The following MAD2L1 variants were observed in gnomAD, a reference collection of about 807,000 sequenced individuals.
The protein encoded by MAD2L1 is mitotic arrest deficient 2 like 1.
A neutral mutation model predicts 25.9 loss-of-function variants in MAD2L1; 10 were observed. The observed-to-expected ratio is 0.39, with a 90% CI of 0.24 to 0.66. The LOEUF (loss-of-function observed/expected upper bound fraction) is 0.66. Ranked by LOEUF, MAD2L1 falls within the 30% of genes least tolerant of loss-of-function variation. MAD2L1 has a pLI of 0.49. For missense variants in MAD2L1, 180 were observed against 246.4 expected (o/e 0.73, Z 1.80); for synonymous variants, 81 against 91.8 (o/e 0.88, Z 0.67).
rs761511460 is a variant in MAD2L1 at position 120,062,033 on chromosome 4, C to T, written c.283G>A (p.Glu95Lys). The T allele has an allele frequency of 1.3e-5, 21 of 1,613,082 alleles. No individual in the cohort carries two copies. The Middle Eastern group carries it at 8.3e-4, about 63-fold the overall frequency. The change falls in exon 3 of 5, where the codon GAG (glutamate) becomes AAG (lysine). Residue 95 changes from glutamate (E) to lysine (K), a missense_variant. Transcript: ENST00000296509. ...VVVISNIESGEVLERWQFDIE... is the reference protein window; with the variant it reads ...VVVISNIESGKVLERWQFDIE... The stretch of plus-strand genomic sequence containing the variant: ...TCAAACTGCCATCTTTCCAGGACCT[C>T]ACCACTTTCAATATTTGAGATAACT...
intron 1 of MAD2L1, 129 bp from the exon 2 acceptor site, chr4:120,065,947 T>C (rs2110509806): frequency 2.4e-6 from 2 of 847,882 alleles, no homozygotes; most frequent in South Asian, 4.4e-5. Context: ...ACGTGTATCT[T>C]GCTGAAAGCA....
chr4:120,063,657 G>A (rs1726262201), intron 2 of MAD2L1, among the ~76,000 whole-genome samples: 1 of 152,154 alleles, frequency 6.6e-6, no homozygotes, highest in Non-Finnish European at 1.5e-5. Context: ...AAATATAAGA[G>A]AGAACAGGAT....
At position 120,063,369 on chromosome 4, in the gene MAD2L1, CAG is replaced by C. The variant is rs145718938; in HGVS notation, c.221-1276_221-1275del. On this transcript the variant is annotated intron_variant, in intron 2 of 4. Coordinates refer to ENST00000296509, the MANE Select transcript of MAD2L1 (RefSeq NM_002358.4). ...AGTCAGCGAAGTTTTTGTAAAGAAA[CAG>C]AGTAATTACTAAATATTTTAGGCTT... Among the ~76,000 whole-genome samples the C allele has an allele frequency of 3.1e-3, 475 of 152,272 alleles. 2 individuals carry two copies. Among genetic ancestry groups the C allele is most frequent in the African/African-American group, 0.011 (445 of 41,564 alleles).
At chr4:120,066,085 T>C (rs1237570738) in intron 1 of MAD2L1, among the ~76,000 whole-genome samples, 3 of 151,706 alleles carry the variant, frequency 2.0e-5, no homozygotes, top group Non-Finnish European at 4.4e-5. Context: ...TTTCACCTCA[T>C]TGTAATCCAA....
chr4:120,062,361 T>A (rs1726235850), intron 2 of MAD2L1, among the ~76,000 whole-genome samples: 1 of 152,194 alleles, frequency 6.6e-6, no homozygotes, highest in African/African-American at 2.4e-5. Context: ...GCATAGGAGA[T>A]GGGCATTAAT....
In MAD2L1 at chr4:120,066,686, C is replaced by T; in HGVS notation, c.49G>A (p.Ala17Thr). The change falls in exon 1 of 5, where the codon GCC (alanine) becomes ACC (threonine). Residue 17 changes from alanine to threonine, a missense_variant. Ala to Thr is a moderately conservative substitution (Grantham distance 58). Coordinates refer to ENST00000296509, the MANE Select transcript of MAD2L1 (RefSeq NM_002358.4). ...REQGITLRGS[A>T]EIVAEFFSFG... ...CAGAAGAACTCGGCCACGATTTCGG[C>T]GCTCCCGCGCAGGGTGATTCCCTGC... 6.2e-7 allele frequency: 1 copy of T among 1,603,678 alleles called. No individual in the cohort carries two copies. Among genetic ancestry groups the T allele is most frequent in the Non-Finnish European group, 8.5e-7 (1 of 1,173,028 alleles).
intron 2 of MAD2L1, 101 bp from the exon 3 acceptor site, chr4:120,062,196 T>C: frequency 9.3e-7 from 1 of 1,072,740 alleles, no homozygotes; most frequent in Admixed American, 2.6e-5. Flanking sequence ...TTCCTACCAC[T>C]GCTATCTGGG....
Position 120,065,784 on chromosome 4 carries a change from G to C in MAD2L1, c.108C>G (p.Gly36=), listed in dbSNP as rs777140652. The C allele has an allele frequency of 1.9e-6, 3 of 1,613,832 alleles. No homozygotes were observed. Among genetic ancestry groups the C allele is most frequent in the East Asian group, 4.5e-5 (2 of 44,854 alleles). The stretch of plus-strand genomic sequence containing the variant: ...GAGTAAAGGTTTCAGATGGATATAT[G>C]CCACGCTGATATAAAATGCTGTTGA... ...FGINSILYQR[G]IYPSETFTRV... is the part of the protein sequence containing the mutation. The change falls in exon 2 of 5, where the codon GGC becomes GGG. Residue 36 remains glycine (G), a synonymous_variant. Coordinates refer to ENST00000296509, the MANE Select transcript of MAD2L1 (RefSeq NM_002358.4).
chr4:120,063,188 G>C (rs1271796797), intron 2 of MAD2L1, among the ~76,000 whole-genome samples: 1 of 152,168 alleles, frequency 6.6e-6, no homozygotes, highest in African/African-American at 2.4e-5. Flanking sequence ...GGAGAAAGAG[G>C]CTTGGGATAG....
In MAD2L1 at chr4:120,057,233, C is replaced by G. The variant is rs1248786535; in HGVS notation, c.*2885G>C. On this transcript the variant is annotated 3_prime_UTR_variant, in exon 5 of 5. Transcript: ENST00000296509. ...ACCTGGCCATTTACAGAAAGTTTGC[C>G]AACCTCTAGTCCATTAGATAACTGT... is the stretch of plus-strand genomic sequence containing the variant. The G allele has an allele frequency of 3.3e-5, 5 of 152,118 alleles. No individual in the cohort carries two copies. Among genetic ancestry groups the G allele is most frequent in the Non-Finnish European group, 7.3e-5 (5 of 68,046 alleles). The allele number at this position is 152,118 out of a possible 1,614,324, so 9.4% of individuals were successfully genotyped here.
At chr4:120,065,992 A>C (rs1377553766) in intron 1 of MAD2L1, among the ~76,000 whole-genome samples, 174 bp from the exon 2 acceptor site, 1 of 152,054 alleles carries the variant, frequency 6.6e-6, no homozygotes, top group African/African-American at 2.4e-5. Flanking sequence ...AATCCTTAAA[A>C]GTCTTGCTTC....
intron 3 of MAD2L1, 66 bp from the exon 4 acceptor site, chr4:120,061,043 G>T: frequency 1.1e-6 from 1 of 910,264 alleles, no homozygotes. Context: ...AAACATAGTG[G>T]TTAGATTATT....
chr4:120,060,255 A>T lies in MAD2L1; in HGVS notation c.481T>A (p.Leu161Met). 3 of 1,613,034 alleles carry T rather than the reference A, an allele frequency of 1.9e-6. No homozygotes were observed. Among genetic ancestry groups the T allele is most frequent in the Non-Finnish European group, 2.5e-6 (3 of 1,179,298 alleles). ...TCTTCCCATTTTTCAGGTACAACCAAATCTTTGTCTGTATAAATCAGCAGA... is the reference window on the plus strand; with the variant it reads ...TCTTCCCATTTTTCAGGTACAACCATATCTTTGTCTGTATAAATCAGCAGA... The part of the protein sequence containing the change: ...FDLLIYTDKD[L>M]VVPEKWEESG... The change falls in exon 5 of 5, where the codon TTG (leucine) becomes ATG (methionine). Residue 161 changes from leucine (L) to methionine (M), a missense_variant. Transcript: ENST00000296509.
chr4:120,065,183 G>GTA (rs1210026655), intron 2 of MAD2L1, among the ~76,000 whole-genome samples: 1 of 152,174 alleles, frequency 6.6e-6, no homozygotes, highest in Admixed American at 6.5e-5. Context: ...CAAAAAAACT[G>GTA]TGAGTGTTCT....
Position 120,056,678 on chromosome 4 carries a change from G to T in MAD2L1, c.*3440C>A, listed in dbSNP as rs2110506740. 6.6e-6 allele frequency: 1 copy of T among 152,216 alleles called. No individual in the cohort carries two copies. The highest frequency in any genetic ancestry group is 1.9e-4 in the East Asian group (1 of 5,172). 9.4% of individuals were successfully genotyped at this position (152,216 alleles called of 1,614,324 possible). A position where few individuals can be genotyped will look rare whatever the true frequency, so the allele number is the denominator to read the frequency against. ...TTTTCAGCATGCATGTCTATATAGTGAAAAAATGATTAAAAATAGGCATGG... is the reference window on the plus strand; with the variant it reads ...TTTTCAGCATGCATGTCTATATAGTTAAAAAATGATTAAAAATAGGCATGG... On this transcript the variant is annotated 3_prime_UTR_variant, in exon 5 of 5. Transcript: ENST00000296509.
Position 120,065,810 on chromosome 4 carries a change from T to A in MAD2L1, c.82A>T (p.Ile28Phe). The change falls in exon 2 of 5, where the codon ATC (isoleucine) becomes TTC (phenylalanine). Residue 28 changes from isoleucine (I) to phenylalanine (F), a missense_variant. Coordinates refer to ENST00000296509, the MANE Select transcript of MAD2L1 (RefSeq NM_002358.4). The stretch of plus-strand genomic sequence containing the variant: ...CCACGCTGATATAAAATGCTGTTGA[T>A]GCCGAATGCTGCAAGCAAAAGAAAT... ...EIVAEFFSFG[I>F]NSILYQRGIY... 1 of 1,612,932 alleles carries A rather than the reference T, an allele frequency of 6.2e-7. No homozygotes were observed.
rs1726101056 is a variant in MAD2L1 at position 120,055,927 on chromosome 4, G to C, written c.*4191C>G. ...TCTGACAACAGACTATCTGAGGAAA[G>C]TGTAAATACAAAGTCACCCAATAAA... On this transcript the variant is annotated 3_prime_UTR_variant, in exon 5 of 5. Coordinates refer to ENST00000296509, the MANE Select transcript of MAD2L1 (RefSeq NM_002358.4). The C allele has an allele frequency of 6.6e-6, 1 of 152,180 alleles. No individual in the cohort carries two copies. Among genetic ancestry groups the C allele is most frequent in the African/African-American group, 2.4e-5 (1 of 41,458 alleles). The allele number at this position is 152,180 out of a possible 1,614,324, so 9.4% of individuals were successfully genotyped here.
Position 120,059,982 on chromosome 4 carries a change from C to A in MAD2L1, c.*136G>T, listed in dbSNP as rs567328380. 22 of 652,282 alleles carry A rather than the reference C, an allele frequency of 3.4e-5. No homozygotes were observed. The African/African-American group carries it at 3.6e-4, about 11-fold the overall frequency. 40.4% of individuals were successfully genotyped at this position (652,282 alleles called of 1,614,324 possible). A position where few individuals can be genotyped will look rare whatever the true frequency, so the allele number is the denominator to read the frequency against. Reference sequence around the variant, plus strand: ...AAAAAATAAAAGGAACAATTACACACAGTTCAGTAAGTATCATTTTGGTTT... The same window carrying A: ...AAAAAATAAAAGGAACAATTACACAAAGTTCAGTAAGTATCATTTTGGTTT... On this transcript the variant is annotated 3_prime_UTR_variant, in exon 5 of 5. Transcript: ENST00000296509.
Position 120,062,014 on chromosome 4 carries a change from T to G in MAD2L1, c.302A>C (p.Gln101Pro). The change falls in exon 3 of 5, where the codon CAG becomes CCG. Residue 101 changes from glutamine (Q) to proline (P), a missense_variant. Coordinates refer to ENST00000296509, the MANE Select transcript of MAD2L1 (RefSeq NM_002358.4). ...AGTCTTGTCACACTCAATATCAAAC[T>G]GCCATCTTTCCAGGACCTCACCACT... ...IESGEVLERW[Q>P]FDIECDKTAK... The G allele has an allele frequency of 6.2e-7, 1 of 1,613,150 alleles. No individual in the cohort carries two copies. The highest frequency in any genetic ancestry group is 8.5e-7 in the Non-Finnish European group (1 of 1,179,456).
Sources: allele counts gnomAD v4.1 joint callset (sites outside exome capture counted in the v4.1 genomes callset), GRCh38; gene constraint gnomAD v4.1.1; transcripts MANE v1.5; gene names NCBI Gene and HGNC (gene_info 2026-07-23, HGNC 2026-07-21).